The following DGKB variants were observed in gnomAD, a reference collection of about 807,000 sequenced individuals.
DGKB encodes diacylglycerol kinase beta.
DGKB carries 67 observed loss-of-function variants against 114.3 expected under a neutral mutation model. The observed-to-expected ratio is 0.59, with a 90% CI of 0.48 to 0.72. The LOEUF (loss-of-function observed/expected upper bound fraction) is 0.72, where lower values mean the gene tolerates loss of function less well. Among genes scored for constraint, DGKB ranks in the 30% least tolerant of loss-of-function variants. The probability of loss-of-function intolerance (pLI) is 0.00; values close to 1 mark genes in which losing one functional copy is unlikely to be tolerated. For missense variants in DGKB, 907 were observed against 975.2 expected, an observed-to-expected ratio of 0.93 and a Z score of 0.93; for synonymous variants, 398 against 323.1, an observed-to-expected ratio of 1.23 and a Z score of -2.49.
chr7:14,539,680 G>C (rs1465827576), intron 20 of DGKB, among the ~76,000 whole-genome samples: 1 of 152,090 alleles, frequency 6.6e-6, no homozygotes, highest in Non-Finnish European at 1.5e-5. Context: ...CACAGTCCTA[G>C]AATGGCTATT....
At chr7:14,939,142 C>G (rs1785425057) in intron 1 of DGKB, among the ~76,000 whole-genome samples, 1 of 152,042 alleles carries the variant, frequency 6.6e-6, no homozygotes, top group African/African-American at 2.4e-5. Flanking sequence ...GCCTATATTA[C>G]CCTAAATTAG....
chr7:14,857,262 G>GTGTGTGTGTGTGTGTGTGTGTGTC (rs750405573), intron 1 of DGKB, among the ~76,000 whole-genome samples: 4 of 150,796 alleles, frequency 2.7e-5, no homozygotes, highest in East Asian at 2.0e-4. Context: ...GTGTGTTTGT[G>GTGTGTGTGTGTGTGTGTGTGTGTC]TGTGTGTGTG....
intron 2 of DGKB, among the ~76,000 whole-genome samples, chr7:14,817,876 T>TGCATATA (rs1844380890): frequency 6.6e-6 from 1 of 152,040 alleles, no homozygotes; most frequent in Admixed American, 6.6e-5. Flanking sequence ...AATGTACATG[T>TGCATATA]GCATATAGAA....
intron 21 of DGKB, among the ~76,000 whole-genome samples, chr7:14,431,104 C>G (rs1828385361): frequency 6.6e-6 from 1 of 152,064 alleles, no homozygotes; most frequent in Admixed American, 6.6e-5. Context: ...AAAAAGGCCT[C>G]TTCTCCCTTG....
intron 23 of DGKB, among the ~76,000 whole-genome samples, chr7:14,262,183 G>A (rs1796877504): frequency 6.6e-6 from 1 of 152,162 alleles, no homozygotes; most frequent in South Asian, 2.1e-4. Context: ...GTAGTCCAAT[G>A]GTCTTGGGTA....
intron 1 of DGKB, among the ~76,000 whole-genome samples, chr7:14,865,714 G>A (rs990876001): frequency 7.9e-5 from 12 of 152,124 alleles, no homozygotes; most frequent in African/African-American, 2.7e-4. Flanking sequence ...ATCCAGGGTG[G>A]AGTTGAAGTC....
chr7:14,181,147 C>T (rs975337112), intron 23 of DGKB, among the ~76,000 whole-genome samples: 1 of 152,140 alleles, frequency 6.6e-6, no homozygotes, highest in African/African-American at 2.4e-5. Context: ...AACACAGCCA[C>T]ATTCACTGGT....
intron 23 of DGKB, among the ~76,000 whole-genome samples, chr7:14,201,279 C>T (rs937113841): frequency 2.6e-5 from 4 of 152,006 alleles, no homozygotes; most frequent in African/African-American, 9.6e-5. Context: ...ACTTAATCAA[C>T]TCCCAAAGGT....
intron 4 of DGKB, among the ~76,000 whole-genome samples, chr7:14,747,397 A>G (rs1833459389): frequency 6.6e-6 from 1 of 151,760 alleles, no homozygotes; most frequent in South Asian, 2.1e-4. Context: ...AGAGTTTTCA[A>G]TTCATTGAGA....
intron 23 of DGKB, among the ~76,000 whole-genome samples, chr7:14,294,265 C>A (rs1000010722): frequency 5.9e-5 from 9 of 152,092 alleles, no homozygotes; most frequent in Non-Finnish European, 2.9e-5. Flanking sequence ...GGTTAGCCAC[C>A]TTATCCATCT....
At chr7:14,337,549 T>C (rs1474348185) in intron 23 of DGKB, among the ~76,000 whole-genome samples, 1 of 152,102 alleles carries the variant, frequency 6.6e-6, no homozygotes, top group Non-Finnish European at 1.5e-5. Flanking sequence ...TTACTGAAAC[T>C]TGAACCAGGT....
intron 23 of DGKB, among the ~76,000 whole-genome samples, chr7:14,275,941 A>G (rs746677034): frequency 6.6e-5 from 10 of 152,304 alleles, no homozygotes; most frequent in Middle Eastern, 6.8e-3. Context: ...AGAGTAAAGA[A>G]ATTACTCTTT....
chr7:14,722,369 T>C (rs1004519665), intron 5 of DGKB, among the ~76,000 whole-genome samples: 2 of 152,222 alleles, frequency 1.3e-5, no homozygotes, highest in African/African-American at 4.8e-5. Flanking sequence ...AGACTGGCTT[T>C]TTTCTGTTAT....
intron 23 of DGKB, among the ~76,000 whole-genome samples, chr7:14,211,289 A>ATGTTTTGTGATTTTACTGTCATGTTT: frequency 9.3e-6 from 1 of 107,092 alleles, no homozygotes; most frequent in South Asian, 2.4e-4. Flanking sequence ...AGCCTCTACT[A>ATGTTTTGTGATTTTACTGTCATGTTT]TGTGATATTT....
chr7:14,652,182 A>T (rs139168501), intron 13 of DGKB, among the ~76,000 whole-genome samples: 3,211 of 142,854 alleles, frequency 0.022, 117 homozygotes, highest in African/African-American at 0.079. Flanking sequence ...AAAAGAGCCC[A>T]CATCACCAAG....
intron 23 of DGKB, among the ~76,000 whole-genome samples, chr7:14,333,664 G>C (rs1810146583): frequency 6.6e-6 from 1 of 151,998 alleles, no homozygotes; most frequent in Non-Finnish European, 1.5e-5. Flanking sequence ...GAACCATTCT[G>C]TCTCCACTAC....
chr7:14,708,502 G>A (rs1298359789), intron 6 of DGKB, among the ~76,000 whole-genome samples: 6 of 151,074 alleles, frequency 4.0e-5, no homozygotes, highest in East Asian at 1.9e-4. Context: ...AGACGGCATC[G>A]CCAAGTGAAT....
chr7:14,171,869 T>TA (rs1781047685), intron 25 of DGKB, among the ~76,000 whole-genome samples: 1 of 152,240 alleles, frequency 6.6e-6, no homozygotes, highest in African/African-American at 2.4e-5. Context: ...GGTACAGTGC[T>TA]ACGCTCTGGG....
At chr7:14,834,520 A>G (rs912718224) in intron 2 of DGKB, among the ~76,000 whole-genome samples, 2 of 152,138 alleles carry the variant, frequency 1.3e-5, no homozygotes, top group African/African-American at 4.8e-5. Flanking sequence ...GAGCCAGCAC[A>G]CAGTCACGAG....
Sources: allele counts gnomAD v4.1 joint callset (sites outside exome capture counted in the v4.1 genomes callset), GRCh38; gene constraint gnomAD v4.1.1; transcripts MANE v1.5; gene names NCBI Gene and HGNC (gene_info 2026-07-23, HGNC 2026-07-21).